SLX9: variants seen among roughly 807,000 people sequenced by gnomAD.
The protein encoded by SLX9 is SLX9 ribosome biogenesis factor, also known as ribosome biogenesis protein SLX9 homolog.
A neutral mutation model predicts 20.8 loss-of-function variants in SLX9; 19 were observed. The observed-to-expected ratio is 0.91, with a 90% CI of 0.64 to 1.34. The LOEUF (loss-of-function observed/expected upper bound fraction) is 1.34, where lower values mean the gene tolerates loss of function less well. Among genes scored for constraint, SLX9 ranks in the 40% most tolerant of loss-of-function variants. The pLI, the probability that SLX9 is intolerant of heterozygous loss-of-function variation, is 0.00. For synonymous variants in SLX9, 113 were observed against 137.1 expected (o/e 0.82, Z 1.23); for missense variants, 299 against 322.2 (o/e 0.93, Z 0.55).
chr21:44,944,588 G>C (rs1371578518), intron 2 of SLX9, among the ~76,000 whole-genome samples: 1 of 152,244 alleles, frequency 6.6e-6, no homozygotes, highest in Non-Finnish European at 1.5e-5. Context: ...ATCTAAGGGA[G>C]TCGGTGAGGA....
chr21:44,970,270 G>A (rs568423820), intron 4 of SLX9, among the ~76,000 whole-genome samples: 2 of 152,358 alleles, frequency 1.3e-5, no homozygotes, highest in East Asian at 1.9e-4. Flanking sequence ...TCATGCGCCG[G>A]TGTTGGTCTG....
chr21:44,960,242 C>T, intron 3 of SLX9, 74 bp downstream of exon 3: 1 of 1,395,462 alleles, frequency 7.2e-7, no homozygotes. Flanking sequence ...TTCCTACAGC[C>T]TCACATCTGG....
rs2084508163 is a variant in SLX9, at chr21:44,940,047, C to G, written c.-11C>G. ...AGGCGCTCCGCACGTTTGCCGTGCT[C>G]CGCCGGGAAGATGGGGAAAGTGAGG... On this transcript the variant is annotated 5_prime_UTR_variant, in exon 1 of 6. Transcript: ENST00000291634. The G allele has an allele frequency of 6.9e-7, 1 of 1,445,668 alleles. No individual in the cohort carries two copies. Among genetic ancestry groups the G allele is most frequent in the African/African-American group, 1.5e-5 (1 of 67,132 alleles). 89.6% of individuals were successfully genotyped at this position (1,445,668 alleles called of 1,614,324 possible). A position where few individuals can be genotyped will look rare whatever the true frequency, so the allele number is the denominator to read the frequency against.
chr21:44,948,410 C>T (rs8129398), intron 2 of SLX9, among the ~76,000 whole-genome samples: 11,267 of 151,296 alleles, frequency 0.074, 1,377 homozygotes, highest in African/African-American at 0.26. Context: ...GGGAGCTGGT[C>T]GTGGAGCACC....
intron 1 of SLX9, among the ~76,000 whole-genome samples, chr21:44,941,008 G>A (rs1374523336): frequency 6.6e-6 from 1 of 151,422 alleles, no homozygotes; most frequent in East Asian, 1.9e-4. Flanking sequence ...GCCCAGAGGT[G>A]CTTTTGAACC....
At chr21:44,949,098 T>C (rs987629700) in intron 2 of SLX9, among the ~76,000 whole-genome samples, 7 of 152,124 alleles carry the variant, frequency 4.6e-5, no homozygotes, top group Admixed American at 4.6e-4. Flanking sequence ...GGAGTGGGCG[T>C]TGGAAGCAGG....
In SLX9 at chr21:44,955,920, T is replaced by C. The variant is rs1464992132; in HGVS notation, c.284-4180T>C. ...TCACAGGCGTTACCAGGTTGCCTACTGCAGACACCGCCGGGAGCAGCACCC... is the reference window on the plus strand; with the variant it reads ...TCACAGGCGTTACCAGGTTGCCTACCGCAGACACCGCCGGGAGCAGCACCC... On this transcript the variant is annotated intron_variant, in intron 2 of 5. Transcript: ENST00000291634. Among the ~76,000 whole-genome samples, 4 of 152,244 alleles carry C rather than the reference T, an allele frequency of 2.6e-5. No individual in the cohort carries two copies. In the East Asian group the frequency reaches 7.7e-4, roughly 29 times the overall value.
Position 44,967,210 on chromosome 21 carries a change from C to T in SLX9, c.500+29C>T, listed in dbSNP as rs773252546. The T allele has an allele frequency of 1.5e-5, 23 of 1,541,156 alleles. 1 individual carries two copies. Among genetic ancestry groups the T allele is most frequent in the South Asian group, 1.0e-4 (8 of 79,598 alleles). On this transcript the variant is annotated intron_variant, in intron 4 of 5. Transcript: ENST00000291634. The stretch of plus-strand genomic sequence containing the variant: ...AGTGTCCGGGAGGGGTGGCCCTTTC[C>T]GAGCTGTGGGGCTGACCCGGGTCCA...
chr21:44,971,041 C>T (rs879579154), intron 4 of SLX9, among the ~76,000 whole-genome samples: 6 of 139,524 alleles, frequency 4.3e-5, no homozygotes, highest in African/African-American at 1.6e-4. Flanking sequence ...AGGCATCGAG[C>T]GACACTTGAC....
intron 4 of SLX9, among the ~76,000 whole-genome samples, chr21:44,971,087 G>C (rs1358508288): frequency 6.6e-6 from 1 of 151,942 alleles, no homozygotes; most frequent in Non-Finnish European, 1.5e-5. Flanking sequence ...TCCACCTCCT[G>C]TGTGCGCTTT....
intron 4 of SLX9, among the ~76,000 whole-genome samples, chr21:44,971,402 T>A (rs1423052901): frequency 6.6e-6 from 1 of 151,884 alleles, no homozygotes; most frequent in Non-Finnish European, 1.5e-5. Context: ...AGGCTGTGCG[T>A]CCCGCCTGGG....
intron 2 of SLX9, among the ~76,000 whole-genome samples, chr21:44,946,303 C>T (rs1568928809): frequency 1.3e-5 from 2 of 150,350 alleles, no homozygotes; most frequent in East Asian, 1.9e-4. Flanking sequence ...CTTGTGCTGA[C>T]GGGACTGTAG....
intron 4 of SLX9, among the ~76,000 whole-genome samples, chr21:44,968,541 T>A (rs1252667300): frequency 6.6e-6 from 1 of 152,152 alleles, no homozygotes; most frequent in Non-Finnish European, 1.5e-5. Context: ...GCTTTCAGGC[T>A]CTTTGTGCCT....
chr21:44,968,597 TGGCTGGAA>T (rs2123447107), intron 4 of SLX9, among the ~76,000 whole-genome samples: 1 of 152,286 alleles, frequency 6.6e-6, no homozygotes, highest in East Asian at 1.9e-4. Context: ...CCTTCCCCTG[TGGCTGGAA>T]GGCACCACCC....
intron 4 of SLX9, among the ~76,000 whole-genome samples, chr21:44,967,462 C>T (rs1041991552): frequency 4.6e-5 from 7 of 152,174 alleles, no homozygotes; most frequent in African/African-American, 1.4e-4. Context: ...GCCCCTCCCC[C>T]GACATTGACC....
chr21:44,948,886 G>A (rs150193829), intron 2 of SLX9, among the ~76,000 whole-genome samples: 4,300 of 152,298 alleles, frequency 0.028, 94 homozygotes, highest in Non-Finnish European at 0.039. Context: ...GGCGTGGAGC[G>A]GTGAAGTGTG....
intron 2 of SLX9, among the ~76,000 whole-genome samples, chr21:44,949,128 G>C (rs1368725929): frequency 1.3e-5 from 2 of 152,196 alleles, no homozygotes; most frequent in Non-Finnish European, 2.9e-5. Context: ...GGCAGCAGGA[G>C]CAGGCATCTC....
At chr21:44,943,507 G>A (rs2084585805) in intron 1 of SLX9, among the ~76,000 whole-genome samples, 177 bp from the exon 2 acceptor site, 1 of 152,212 alleles carries the variant, frequency 6.6e-6, no homozygotes, top group Admixed American at 6.5e-5. Flanking sequence ...TGGAGCTCTG[G>A]AACCGGAGGC....
chr21:44,957,365 G>A (rs181013545), intron 2 of SLX9, among the ~76,000 whole-genome samples: 15 of 152,284 alleles, frequency 9.9e-5, no homozygotes, highest in Non-Finnish European at 2.1e-4. Flanking sequence ...CACGCTGCTC[G>A]TGAGCCCGGT....
Sources: allele counts gnomAD v4.1 joint callset (sites outside exome capture counted in the v4.1 genomes callset), GRCh38; gene constraint gnomAD v4.1.1; transcripts MANE v1.5; gene names NCBI Gene and HGNC (gene_info 2026-07-23, HGNC 2026-07-21).